AMOTL1: variants seen among roughly 807,000 people sequenced by gnomAD.
AMOTL1 encodes angiomotin like 1, also known as angiomotin-like protein 1.
In AMOTL1, 45 loss-of-function variants were observed where a neutral mutation model predicts 102.9. The ratio of observed to expected loss-of-function variants is 0.44; its 90% CI spans 0.34 to 0.56. The LOEUF (loss-of-function observed/expected upper bound fraction) is 0.56, where lower values mean the gene tolerates loss of function less well. Among genes scored for constraint, AMOTL1 ranks in the 20% least tolerant of loss-of-function variants. The pLI, the probability that AMOTL1 is intolerant of heterozygous loss-of-function variation, is 0.01. For missense variants in AMOTL1, 1,114 were observed against 1,225.6 expected (o/e 0.91, Z 1.36); for synonymous variants, 481 against 484.7 (o/e 0.99, Z 0.10).
intron 1 of AMOTL1, among the ~76,000 whole-genome samples, chr11:94,776,812 G>A (rs140105830): frequency 6.6e-6 from 1 of 152,314 alleles, no homozygotes; most frequent in African/African-American, 2.4e-5. Context: ...TCTATCTGCT[G>A]GTCTTGGGAA....
intron 1 of AMOTL1, among the ~76,000 whole-genome samples, chr11:94,716,650 G>A (rs1179782376): frequency 6.6e-6 from 1 of 152,128 alleles, no homozygotes; most frequent in African/African-American, 2.4e-5. Flanking sequence ...CTCGTGGGCT[G>A]TTTGATGGGT....
At chr11:94,715,272 T>C (rs1283779968) in intron 1 of AMOTL1, among the ~76,000 whole-genome samples, 2 of 152,298 alleles carry the variant, frequency 1.3e-5, no homozygotes, top group East Asian at 3.9e-4. Flanking sequence ...AATAGCTGTT[T>C]TATGACCCAG....
intron 2 of AMOTL1, among the ~76,000 whole-genome samples, chr11:94,732,151 G>T (rs1950364483): frequency 6.6e-6 from 1 of 152,182 alleles, no homozygotes; most frequent in Non-Finnish European, 1.5e-5. Flanking sequence ...GGCTGGTGGG[G>T]TTTGCATTTC....
At chr11:94,863,240 A>C (rs903652442) in intron 9 of AMOTL1, among the ~76,000 whole-genome samples, 3 of 151,522 alleles carry the variant, frequency 2.0e-5, no homozygotes, top group Non-Finnish European at 4.4e-5. Flanking sequence ...GATAGCTGTC[A>C]TTAAAGGGGC....
In AMOTL1 at chr11:94,815,351, C is replaced by CA. The variant is rs550240864; in HGVS notation, c.1122-6169dup. Among the ~76,000 whole-genome samples the CA allele has an allele frequency of 7.2e-3, 1,065 of 147,856 alleles. 14 individuals are homozygous for CA. Among genetic ancestry groups the CA allele is most frequent in the South Asian group, 0.036 (167 of 4,620 alleles). On this transcript the variant is annotated intron_variant, in intron 3 of 12. Transcript: ENST00000433060. ...ATCCTGAGTTATTGGCAAAAACAAA[C>CA]AAAAAAAAAATTTGTCTAATGTTAA...
At chr11:94,780,679 T>C (rs570312900) in intron 1 of AMOTL1, among the ~76,000 whole-genome samples, 9 of 152,324 alleles carry the variant, frequency 5.9e-5, no homozygotes, top group African/African-American at 1.9e-4. Context: ...GCACTTCCTA[T>C]GTGCTTGGAA....
At chr11:94,819,169 T>C (rs1336957043) in intron 3 of AMOTL1, among the ~76,000 whole-genome samples, 1 of 152,226 alleles carries the variant, frequency 6.6e-6, no homozygotes, top group East Asian at 1.9e-4. Context: ...CATTTTCTTA[T>C]AAAATGCTTT....
intron 3 of AMOTL1, among the ~76,000 whole-genome samples, chr11:94,758,110 G>T (rs1401815968): frequency 1.3e-5 from 2 of 152,180 alleles, no homozygotes; most frequent in Non-Finnish European, 2.9e-5. Context: ...TTGAATCTTG[G>T]CTCTGTTAAT....
At chr11:94,837,697 T>C (rs1952212886) in intron 6 of AMOTL1, among the ~76,000 whole-genome samples, 1 of 152,232 alleles carries the variant, frequency 6.6e-6, no homozygotes, top group Non-Finnish European at 1.5e-5. Flanking sequence ...GGCTCTGATT[T>C]GCCATGCTTA....
intron 3 of AMOTL1, among the ~76,000 whole-genome samples, chr11:94,802,277 TA>T (rs1243080713): frequency 6.6e-6 from 1 of 152,220 alleles, no homozygotes; most frequent in Non-Finnish European, 1.5e-5. Flanking sequence ...CACAGTTGTT[TA>T]AAATAAGCCA....
In AMOTL1 at chr11:94,853,927, A is replaced by T. The variant is rs904804859; in HGVS notation, c.1795-6A>T. On this transcript the variant is annotated splice_region_variant and splice_polypyrimidine_tract_variant and intron_variant, in intron 7 of 12. Transcript: ENST00000433060. ...TCTGTGCTCTTTTTTACTCTTCTCC[A>T]CTCAGTTACGAGAGAAGCAAGCATA... is the stretch of plus-strand genomic sequence containing the variant. 1.9e-6 allele frequency: 3 copies of T among 1,606,738 alleles called. No individual in the cohort carries two copies. The highest frequency in any genetic ancestry group is 1.7e-5 in the Admixed American group (1 of 59,076).
chr11:94,710,896 G>A (rs961502673), intron 1 of AMOTL1, among the ~76,000 whole-genome samples: 65 of 152,164 alleles, frequency 4.3e-4, no homozygotes, highest in African/African-American at 1.5e-3. Context: ...CTCTGTAGCA[G>A]GTAGTTGAAT....
At chr11:94,855,222 C>G (rs1049374567) in intron 8 of AMOTL1, among the ~76,000 whole-genome samples, 5 of 152,230 alleles carry the variant, frequency 3.3e-5, no homozygotes, top group African/African-American at 9.6e-5. Context: ...CAGCTCAGCC[C>G]TCTCACAGGG....
chr11:94,729,961 C>T (rs1379814739), intron 2 of AMOTL1, among the ~76,000 whole-genome samples: 1 of 152,084 alleles, frequency 6.6e-6, no homozygotes, highest in Non-Finnish European at 1.5e-5. Context: ...CTGCACTACA[C>T]CAGGGTATGT....
chr11:94,858,675 C>G (rs1952714175), intron 8 of AMOTL1, among the ~76,000 whole-genome samples: 1 of 152,160 alleles, frequency 6.6e-6, no homozygotes, highest in Admixed American at 6.5e-5. Flanking sequence ...GAGCCTGGTC[C>G]ACACTCTGAC....
intron 10 of AMOTL1, among the ~76,000 whole-genome samples, 192 bp downstream of exon 10, chr11:94,865,052 A>T (rs948342882): frequency 7.9e-5 from 12 of 152,134 alleles, no homozygotes; most frequent in Non-Finnish European, 1.5e-4. Context: ...TCAGCAATGG[A>T]TCTGGTGCCG....
At position 94,872,467 on chromosome 11, in the gene AMOTL1, G is replaced by T. The variant is rs1382159350; in HGVS notation, c.*1672G>T. 1.3e-5 allele frequency: 2 copies of T among 152,224 alleles called. No individual in the cohort carries two copies. Among genetic ancestry groups the T allele is most frequent in the Non-Finnish European group, 2.9e-5 (2 of 68,072 alleles). The allele number at this position is 152,224 out of a possible 1,614,324, so 9.4% of individuals were successfully genotyped here. ...AGTGCTACTCAGGAAACTTTGCTTG[G>T]ATCCTAAAATGGACTGGTCTTGGGT... On this transcript the variant is annotated 3_prime_UTR_variant, in exon 13 of 13. Coordinates refer to ENST00000433060, the MANE Select transcript of AMOTL1 (RefSeq NM_130847.3).
At chr11:94,769,171 AC>A (rs1413503494) in intron 1 of AMOTL1, among the ~76,000 whole-genome samples, 1 of 152,224 alleles carries the variant, frequency 6.6e-6, no homozygotes, top group African/African-American at 2.4e-5. Context: ...CTGGAGAGTT[AC>A]ATCCAGCTCC....
At chr11:94,777,283 C>T (rs1192633774) in intron 1 of AMOTL1, among the ~76,000 whole-genome samples, 1 of 152,170 alleles carries the variant, frequency 6.6e-6, no homozygotes, top group Non-Finnish European at 1.5e-5. Context: ...GTGGTATTGA[C>T]TGGCCTGGCA....
Sources: allele counts gnomAD v4.1 joint callset (sites outside exome capture counted in the v4.1 genomes callset), GRCh38; gene constraint gnomAD v4.1.1; transcripts MANE v1.5; gene names NCBI Gene and HGNC (gene_info 2026-07-23, HGNC 2026-07-21).